Variants in TMEM94 observed in about 807,000 individuals in gnomAD.
TMEM94 encodes the protein transmembrane protein 94.
A neutral mutation model predicts 158.6 loss-of-function variants in TMEM94; 81 were observed. That is an observed-to-expected ratio of 0.51 (90% confidence interval 0.43 to 0.61). The LOEUF (loss-of-function observed/expected upper bound fraction) is 0.61. TMEM94 is among the 20% of genes least tolerant of loss of function. The pLI is 0.00. For missense variants in TMEM94, 1,435 were observed against 1,762.0 expected (o/e 0.81, Z 3.32); for synonymous variants, 751 against 730.7 (o/e 1.03, Z -0.45).
At chr17:75,483,499 C>T (rs1355818649) in intron 2 of TMEM94, among the ~76,000 whole-genome samples, 2 of 149,000 alleles carry the variant, frequency 1.3e-5, no homozygotes, top group Non-Finnish European at 3.0e-5. Context: ...CTAGCTCTGT[C>T]ACCCAGGCTG....
At position 75,498,230 on chromosome 17, in the gene TMEM94, C is replaced by T. The variant is rs145429641; in HGVS notation, c.3545C>T (p.Ser1182Phe). The T allele has an allele frequency of 6.2e-7, 1 of 1,613,960 alleles. No homozygotes were observed. The change falls in exon 28 of 32, where the codon TCC becomes TTC. Residue 1182 changes from serine (S) to phenylalanine (F), a missense_variant. Transcript: ENST00000314256. The surrounding 1 kb of genome is among the most constrained non-coding windows in gnomAD (Gnocchi z 6.7). ...CTCAAGTTCAGCCTCACCATCAGCT[C>T]CTGCCTCATCTGCTTTGGCTTCACA... ...FLLKFSLTIS[S>F]CLICFGFTLQ... is the part of the protein sequence containing the mutation.
At chr17:75,463,696 T>G (rs2050191872) in intron 1 of TMEM94, among the ~76,000 whole-genome samples, 1 of 152,220 alleles carries the variant, frequency 6.6e-6, no homozygotes, top group Non-Finnish European at 1.5e-5. Context: ...TAATATTTTT[T>G]CCAGTTAAAC....
intron 25 of TMEM94, 98 bp from the exon 26 acceptor site, chr17:75,497,015 G>C: frequency 3.5e-6 from 4 of 1,128,558 alleles, no homozygotes; most frequent in Non-Finnish European, 5.4e-6. Flanking sequence ...CAGGATGTGA[G>C]CATCTATCTG....
chr17:75,480,268 C>A (rs1567928404), intron 2 of TMEM94, among the ~76,000 whole-genome samples: 1 of 152,202 alleles, frequency 6.6e-6, no homozygotes. Context: ...CTGGCCTGTG[C>A]GGGCAAGAGC....
In TMEM94 at chr17:75,489,703, C is replaced by G; in HGVS notation, c.954+41C>G. The G allele has an allele frequency of 6.6e-7, 1 of 1,518,128 alleles. No individual in the cohort carries two copies. Among genetic ancestry groups the G allele is most frequent in the Non-Finnish European group, 9.1e-7 (1 of 1,093,952 alleles). The allele number at this position is 1,518,128 out of a possible 1,614,324, so 94.0% of individuals were successfully genotyped here. ...TCCTCTCTGTCATGCTTCCCTCCGACCCGCAGGGCTGGCTCTTCTCCTAGT... is the reference window on the plus strand; with the variant it reads ...TCCTCTCTGTCATGCTTCCCTCCGAGCCGCAGGGCTGGCTCTTCTCCTAGT... On this transcript the variant is annotated intron_variant, in intron 9 of 31. Transcript: ENST00000314256. The surrounding 1 kb of genome is among the most constrained non-coding windows in gnomAD (Gnocchi z 5.0).
intron 2 of TMEM94, among the ~76,000 whole-genome samples, chr17:75,479,225 T>C (rs1157364970): frequency 6.6e-6 from 1 of 152,016 alleles, no homozygotes; most frequent in African/African-American, 2.4e-5. Context: ...CCCAGCCCTA[T>C]GGGAGGCGGG....
At chr17:75,475,170 C>G (rs1484737064) in intron 2 of TMEM94, among the ~76,000 whole-genome samples, 1 of 152,222 alleles carries the variant, frequency 6.6e-6, no homozygotes, top group African/African-American at 2.4e-5. Flanking sequence ...CTCACAGTGG[C>G]TGGCGTGGAA....
chr17:75,463,130 G>GTA (rs2050164738), intron 1 of TMEM94, among the ~76,000 whole-genome samples: 1 of 3,002 alleles, frequency 3.3e-4, no homozygotes, highest in Non-Finnish European at 8.1e-4. Context: ...ATATATACGT[G>GTA]TATATATGTA....
intron 11 of TMEM94, 141 bp from the exon 12 acceptor site, chr17:75,490,908 T>A (rs2052114370): frequency 1.1e-6 from 1 of 929,628 alleles, no homozygotes; most frequent in South Asian, 1.5e-5. Context: ...CCTGTTCCCA[T>A]AACGTGTCCA....
intron 23 of TMEM94, 58 bp downstream of exon 23, chr17:75,496,132 A>C (rs1247210286): frequency 2.1e-5 from 32 of 1,526,338 alleles, no homozygotes; most frequent in Non-Finnish European, 2.7e-5. Flanking sequence ...CCGGAGGATC[A>C]GATGGGCCTG....
At position 75,476,490 on chromosome 17, in the gene TMEM94, A is replaced by G. The variant is rs960766930; in HGVS notation, c.24+4561A>G. Reference sequence around the variant, plus strand: ...TCCCTGAATCTGCAGCGTGACTAGAAATAGGCTGAATTAATCAGCAGATTG... The same window carrying G: ...TCCCTGAATCTGCAGCGTGACTAGAGATAGGCTGAATTAATCAGCAGATTG... On this transcript the variant is annotated intron_variant, in intron 2 of 31. Transcript: ENST00000314256. The G allele has an allele frequency of 4.3e-6, 6 of 1,398,160 alleles. No homozygotes were observed. The African/African-American group carries it at 7.3e-5, about 17-fold the overall frequency. 86.6% of individuals were successfully genotyped at this position (1,398,160 alleles called of 1,614,324 possible).
At chr17:75,497,301 TCA>T (rs2052793145) in intron 26 of TMEM94, 103 bp downstream of exon 26, 5 of 805,184 alleles carry the variant, frequency 6.2e-6, no homozygotes, top group Non-Finnish European at 1.0e-5. Flanking sequence ...TGCTCAGGTC[TCA>T]CCTCCTCTGG....
At chr17:75,477,821 C>A (rs1406563884) in intron 2 of TMEM94, among the ~76,000 whole-genome samples, 1 of 150,782 alleles carries the variant, frequency 6.6e-6, no homozygotes, top group South Asian at 2.1e-4. Context: ...CCAGCCTGGC[C>A]AACATAGTGA....
intron 24 of TMEM94, 105 bp downstream of exon 24, chr17:75,496,576 C>A (rs1439410535): frequency 4.9e-6 from 7 of 1,425,274 alleles, no homozygotes; most frequent in Non-Finnish European, 6.8e-6. Flanking sequence ...CATTCCCCAG[C>A]CCTCCGAGCG....
At chr17:75,462,622 G>A (rs1233760224) in intron 1 of TMEM94, among the ~76,000 whole-genome samples, 1 of 151,138 alleles carries the variant, frequency 6.6e-6, no homozygotes. Context: ...TGGGAAAATC[G>A]CTTGAGGCCA....
chr17:75,496,118 C>A lies in TMEM94; in HGVS notation c.3053+44C>A, dbSNP rs527722354. On this transcript the variant is annotated intron_variant, in intron 23 of 31. Coordinates refer to ENST00000314256, the MANE Select transcript of TMEM94 (RefSeq NM_014738.6). ...AGCCTGCGGGCCAGCCTCTACCTCC[C>A]AGACCGGAGGATCAGATGGGCCTGC... 43 of 1,544,754 alleles carry A rather than the reference C, an allele frequency of 2.8e-5. 1 individual carries two copies. In the South Asian group the frequency reaches 3.8e-4, roughly 14 times the overall value.
intron 1 of TMEM94, among the ~76,000 whole-genome samples, chr17:75,471,252 AAAG>A (rs1409278796): frequency 3.6e-4 from 39 of 108,672 alleles, no homozygotes; most frequent in African/African-American, 1.4e-3. Flanking sequence ...AAAAAAAAAA[AAAG>A]AAAGAAAGAA....
chr17:75,477,815 C>T (rs1323613440), intron 2 of TMEM94, among the ~76,000 whole-genome samples: 2 of 151,042 alleles, frequency 1.3e-5, no homozygotes, highest in African/African-American at 4.9e-5. Context: ...TTGAGACCAG[C>T]CTGGCCAACA....
Position 75,493,833 on chromosome 17 carries a change from A to G in TMEM94, c.2324A>G (p.Gln775Arg). Residue 775 changes from glutamine to arginine, a missense_variant, in exon 18 of 32, where the codon CAA becomes CGA. By Grantham distance (43) the Gln-to-Arg change is conservative. This residue lies in a region of TMEM94 where 1,051 missense variants were observed against 1,254.4 expected (regional missense o/e 0.84). Transcript: ENST00000314256. The stretch of plus-strand genomic sequence containing the variant: ...ATCGAGCTGGTACAGGTGCCCGGCC[A>G]AAGCAGCATCTTCACCATGTGCGAG... ...KCIELVQVPG[Q>R]SSIFTMCELP... The G allele has an allele frequency of 6.2e-7, 1 of 1,613,708 alleles. No homozygotes were observed.
Sources: gnomAD v4.1 joint callset for allele counts (sites outside exome capture counted in the v4.1 genomes callset) on GRCh38, gnomAD v4.1.1 for gene constraint, gnomAD v4.1.1 regional missense constraint, Gnocchi (gnomAD v3.1) non-coding constraint, MANE v1.5 for transcripts, NCBI Gene and HGNC (gene_info 2026-07-23, HGNC 2026-07-21) for gene names.